The following CADPS variants were observed in gnomAD, a reference collection of about 807,000 sequenced individuals.
The protein encoded by CADPS is calcium dependent secretion activator.
A neutral mutation model predicts 167.3 loss-of-function variants in CADPS; 57 were observed. The observed-to-expected ratio is 0.34, with a 90% confidence interval of 0.28 to 0.42. The LOEUF (loss-of-function observed/expected upper bound fraction) is 0.42, where lower values mean the gene tolerates loss of function less well. Ranked by LOEUF, CADPS falls within the 20% of genes least tolerant of loss-of-function variation. The pLI is 1.00. For synonymous variants in CADPS, 676 were observed against 635.3 expected (o/e 1.06, Z -0.96); for missense variants, 1,414 against 1,738.1 (o/e 0.81, Z 3.32).
chr3:62,556,426 C>T (rs73840503), intron 10 of CADPS, among the ~76,000 whole-genome samples: 12,902 of 152,272 alleles, frequency 0.085, 598 homozygotes, highest in Middle Eastern at 0.14. Flanking sequence ...CAGGTTAGCA[C>T]CCCATCTTCT....
At chr3:62,644,118 T>C (rs1185892087) in intron 6 of CADPS, among the ~76,000 whole-genome samples, 1 of 152,242 alleles carries the variant, frequency 6.6e-6, no homozygotes, top group Non-Finnish European at 1.5e-5. Flanking sequence ...AGATTTTCTC[T>C]AGTCCAGGAA....
chr3:62,622,109 C>T (rs2063287941), intron 6 of CADPS, among the ~76,000 whole-genome samples: 1 of 152,052 alleles, frequency 6.6e-6, no homozygotes. Context: ...TTCTCAGCTG[C>T]CTTTCACTGG....
At chr3:62,809,784 G>A (rs1199264137) in intron 1 of CADPS, among the ~76,000 whole-genome samples, 1 of 152,102 alleles carries the variant, frequency 6.6e-6, no homozygotes, top group Non-Finnish European at 1.5e-5. Flanking sequence ...AGTAGATGAT[G>A]CATAATATCC....
chr3:62,638,077 T>TTATATATATATATATA lies in CADPS; in HGVS notation c.1325+7629_1325+7644dup, dbSNP rs928423543. ...ATCTGCCCAAGCATTGTTTTAAGCA[T>TTATATATATATATATA]TATATATATATATATATGTATATAT... On this transcript the variant is annotated intron_variant, in intron 6 of 29. Coordinates refer to ENST00000383710, the MANE Select transcript of CADPS (RefSeq NM_003716.4). Among the ~76,000 whole-genome samples the TTATATATATATATATA allele has an allele frequency of 5.0e-3, 185 of 36,690 alleles. 4 individuals carry two copies. Among genetic ancestry groups the TTATATATATATATATA allele is most frequent in the East Asian group, 0.03 (12 of 402 alleles). The allele number at this position is 36,690 out of a possible 152,430, so 24.1% of individuals were successfully genotyped here.
chr3:62,841,856 C>G (rs577998807), intron 1 of CADPS, among the ~76,000 whole-genome samples: 1 of 152,130 alleles, frequency 6.6e-6, no homozygotes, highest in Non-Finnish European at 1.5e-5. Context: ...TATTATTTCC[C>G]TCTGGCTTAT....
intron 3 of CADPS, among the ~76,000 whole-genome samples, chr3:62,730,914 G>A (rs1205862421): frequency 6.6e-6 from 1 of 152,214 alleles, no homozygotes; most frequent in East Asian, 1.9e-4. Flanking sequence ...ATAACTGTTA[G>A]CAGTTTGAGT....
At chr3:62,584,383 C>T (rs566777389) in intron 8 of CADPS, among the ~76,000 whole-genome samples, 2 of 152,254 alleles carry the variant, frequency 1.3e-5, no homozygotes, top group Admixed American at 1.3e-4. Flanking sequence ...AAAGAATTAA[C>T]GAGACCTCTC....
chr3:62,794,793 A>AG (rs1553689816), intron 1 of CADPS, among the ~76,000 whole-genome samples: 4 of 136,704 alleles, frequency 2.9e-5, no homozygotes, highest in African/African-American at 1.4e-4. Flanking sequence ...AAAAAAAAAA[A>AG]AAAAAAAAAA....
chr3:62,626,419 C>A, intron 6 of CADPS: 1 of 677,364 alleles, frequency 1.5e-6, no homozygotes. Flanking sequence ...GGGAAATACA[C>A]AGACTATAGT....
At chr3:62,418,368 C>T (rs1260270240) in intron 28 of CADPS, among the ~76,000 whole-genome samples, 1 of 146,288 alleles carries the variant, frequency 6.8e-6, no homozygotes. Flanking sequence ...ACTTTGTCAC[C>T]CAGGCTGGAG....
intron 2 of CADPS, among the ~76,000 whole-genome samples, chr3:62,759,327 G>A (rs2084779602): frequency 6.6e-6 from 1 of 152,088 alleles, no homozygotes. Flanking sequence ...CTACTATTCG[G>A]CTAAGAATGT....
At chr3:62,826,789 T>C (rs1289620782) in intron 1 of CADPS, among the ~76,000 whole-genome samples, 1 of 152,108 alleles carries the variant, frequency 6.6e-6, no homozygotes, top group Admixed American at 6.6e-5. Context: ...CTAGCACCCA[T>C]CCTTAGGTTT....
chr3:62,536,387 T>C (rs2074693187), intron 12 of CADPS, 58 bp downstream of exon 12: 1 of 1,450,624 alleles, frequency 6.9e-7, no homozygotes, highest in Non-Finnish European at 9.6e-7. Context: ...GGTAGAGAAA[T>C]ATTTAAATGA....
intron 13 of CADPS, among the ~76,000 whole-genome samples, chr3:62,521,402 A>G (rs1325817424): frequency 6.6e-6 from 1 of 152,216 alleles, no homozygotes; most frequent in East Asian, 1.9e-4. Context: ...ACAAGGTGCC[A>G]TTCCAAGTAG....
At chr3:62,645,687 C>T in intron 6 of CADPS, 35 bp downstream of exon 6, 1 of 1,610,080 alleles carries the variant, frequency 6.2e-7, no homozygotes, top group South Asian at 1.1e-5. Context: ...GGCAGCAACC[C>T]TCTATAAGAT....
rs1026163527 is a variant in CADPS at position 62,398,638 on chromosome 3, C to A, written c.*768G>T. 1 of 152,312 alleles carries A rather than the reference C, an allele frequency of 6.6e-6. No individual in the cohort carries two copies. The highest frequency in any genetic ancestry group is 1.5e-5 in the Non-Finnish European group (1 of 67,960). The allele number at this position is 152,312 out of a possible 1,614,324, so 9.4% of individuals were successfully genotyped here. ...AGTCTAGGGTTGTAATTTAAATATTCATTTTTTTTACATACACAGTTGAGA... is the reference window on the plus strand; with the variant it reads ...AGTCTAGGGTTGTAATTTAAATATTAATTTTTTTTACATACACAGTTGAGA... On this transcript the variant is annotated 3_prime_UTR_variant, in exon 30 of 30. Transcript: ENST00000383710.
chr3:62,643,604 C>G (rs1369912960), intron 6 of CADPS, among the ~76,000 whole-genome samples: 1 of 152,168 alleles, frequency 6.6e-6, no homozygotes, highest in African/African-American at 2.4e-5. Flanking sequence ...TTTACAAACA[C>G]AGGAAAATCA....
In CADPS at chr3:62,751,841, G is replaced by A. The variant is rs189435750; in HGVS notation, c.888+1600C>T. 1.4e-4 allele frequency among the ~76,000 whole-genome samples: 21 copies of A among 152,204 alleles called. No homozygotes were observed. The East Asian group carries it at 3.7e-3, about 27-fold the overall frequency. On this transcript the variant is annotated intron_variant, in intron 3 of 29. Transcript: ENST00000383710. The stretch of plus-strand genomic sequence containing the variant: ...AAGATTTTGAGGGTAAAATGAGTCG[G>A]ATTAATTCATTTTTTAGGAGAAAAC...
intron 8 of CADPS, among the ~76,000 whole-genome samples, chr3:62,574,746 T>C (rs2081960225): frequency 6.6e-6 from 1 of 152,210 alleles, no homozygotes; most frequent in Non-Finnish European, 1.5e-5. Context: ...TGGTGCTCTG[T>C]AAGACAGGTC....
Sources: allele counts gnomAD v4.1 joint callset (sites outside exome capture counted in the v4.1 genomes callset), GRCh38; gene constraint gnomAD v4.1.1; transcripts MANE v1.5; gene names NCBI Gene and HGNC (gene_info 2026-07-23, HGNC 2026-07-21).